The following CTNNBL1 variants were observed in gnomAD, a reference collection of about 807,000 sequenced individuals.
CTNNBL1 encodes the protein beta-catenin-like protein 1.
Under a neutral mutation model 72.7 loss-of-function variants are expected in CTNNBL1, and 31 were observed. The observed-to-expected ratio is 0.43, with a 90% CI of 0.32 to 0.58. The LOEUF is 0.58. CTNNBL1 is among the 20% of genes least tolerant of loss of function. The pLI is 0.08. For missense variants in CTNNBL1, 534 were observed against 725.1 expected (o/e 0.74, Z 3.03); for synonymous variants, 240 against 267.3 (o/e 0.90, Z 1.00).
chr20:37,854,635 G>C (rs2072424001), intron 13 of CTNNBL1, among the ~76,000 whole-genome samples: 1 of 150,716 alleles, frequency 6.6e-6, no homozygotes, highest in South Asian at 2.1e-4. Context: ...TGTGCCCCAG[G>C]CTGAGTGCAG....
rs560327151 is a variant in CTNNBL1, at chr20:37,807,100, G to A, written c.1213+4052G>A. Among the ~76,000 whole-genome samples the A allele has an allele frequency of 6.6e-5, 10 of 152,258 alleles. No individual in the cohort carries two copies. In the South Asian group the frequency reaches 1.5e-3, roughly 22 times the overall value. On this transcript the variant is annotated intron_variant, in intron 11 of 15. Coordinates refer to ENST00000361383, the MANE Select transcript of CTNNBL1 (RefSeq NM_030877.5). ...GGGCCTTCCCCTGACTCCCAAAGTCGCAGTGCAGCCTGAGGTGGTACAGAT... is the reference window on the plus strand; with the variant it reads ...GGGCCTTCCCCTGACTCCCAAAGTCACAGTGCAGCCTGAGGTGGTACAGAT...
intron 1 of CTNNBL1, among the ~76,000 whole-genome samples, chr20:37,711,065 T>C (rs767728789): frequency 2.0e-5 from 3 of 152,196 alleles, no homozygotes; most frequent in Admixed American, 6.5e-5. Context: ...CCTCATATGG[T>C]GTGCCCTACC....
intron 1 of CTNNBL1, among the ~76,000 whole-genome samples, chr20:37,731,238 CTTT>C (rs1303825925): frequency 6.9e-6 from 1 of 144,492 alleles, no homozygotes; most frequent in African/African-American, 2.5e-5. Flanking sequence ...TTAACTGAAA[CTTT>C]TTTTTTTTTT....
intron 1 of CTNNBL1, among the ~76,000 whole-genome samples, chr20:37,706,222 G>C (rs2122549963): frequency 6.6e-6 from 1 of 152,270 alleles, no homozygotes; most frequent in South Asian, 2.1e-4. Flanking sequence ...GGTTGGGGTG[G>C]CTGTGGCAAT....
intron 5 of CTNNBL1, among the ~76,000 whole-genome samples, chr20:37,762,582 C>A (rs1437490056): frequency 6.6e-6 from 1 of 152,124 alleles, no homozygotes; most frequent in Non-Finnish European, 1.5e-5. Context: ...GTTGCCCTGG[C>A]TGATGCTTTA....
intron 10 of CTNNBL1, among the ~76,000 whole-genome samples, chr20:37,790,722 G>A (rs534935162): frequency 6.6e-6 from 1 of 152,320 alleles, no homozygotes; most frequent in East Asian, 1.9e-4. Flanking sequence ...AGTGGTGTAA[G>A]GCCTGTCTGA....
At position 37,829,616 on chromosome 20, in the gene CTNNBL1, G is replaced by A. The variant is rs147491697; in HGVS notation, c.1214-10486G>A. Among the ~76,000 whole-genome samples the A allele has an allele frequency of 4.6e-5, 7 of 151,932 alleles. No homozygotes were observed. In the East Asian group the frequency reaches 1.2e-3, roughly 25 times the overall value. On this transcript the variant is annotated intron_variant, in intron 11 of 15. Coordinates refer to ENST00000361383, the MANE Select transcript of CTNNBL1 (RefSeq NM_030877.5). Reference sequence around the variant, plus strand: ...TTGATCTCTTTCCAGTTCTTTGTCCGTATCCTGTGCTTTCTAATTTAATTC... The same window carrying A: ...TTGATCTCTTTCCAGTTCTTTGTCCATATCCTGTGCTTTCTAATTTAATTC...
At chr20:37,803,147 G>C in intron 11 of CTNNBL1, 99 bp downstream of exon 11, 1 of 1,016,356 alleles carries the variant, frequency 9.8e-7, no homozygotes, top group South Asian at 1.6e-5. Context: ...GGGGGATAGA[G>C]GGGAAGAGTG....
At chr20:37,797,091 C>A (rs910881292) in intron 10 of CTNNBL1, among the ~76,000 whole-genome samples, 1 of 152,052 alleles carries the variant, frequency 6.6e-6, no homozygotes, top group Non-Finnish European at 1.5e-5. Context: ...TGCCTGTGGT[C>A]GTATTTATTA....
chr20:37,804,973 C>T (rs150931897), intron 11 of CTNNBL1, among the ~76,000 whole-genome samples: 1 of 152,356 alleles, frequency 6.6e-6, no homozygotes, highest in Non-Finnish European at 1.5e-5. Flanking sequence ...GCTCTGCATC[C>T]TGAGCGGACC....
rs567842193 is a variant in CTNNBL1 at position 37,804,602 on chromosome 20, C to T, written c.1213+1554C>T. On this transcript the variant is annotated intron_variant, in intron 11 of 15. Transcript: ENST00000361383. The stretch of plus-strand genomic sequence containing the variant: ...ACCTTCAGATTCTCAGGAACAAGCC[C>T]TGGTTGTCAGGGTTGCCTGTGAGCC... 2.0e-5 allele frequency among the ~76,000 whole-genome samples: 3 copies of T among 152,204 alleles called. No homozygotes were observed. The East Asian group carries it at 5.8e-4, about 29-fold the overall frequency.
At chr20:37,768,760 GA>G (rs1485649224) in intron 7 of CTNNBL1, among the ~76,000 whole-genome samples, 3 of 152,036 alleles carry the variant, frequency 2.0e-5, no homozygotes, top group Non-Finnish European at 2.9e-5. Flanking sequence ...GCCTAATTTA[GA>G]AACTTTTTTT....
chr20:37,812,361 T>C (rs963767489), intron 11 of CTNNBL1, among the ~76,000 whole-genome samples: 1 of 152,204 alleles, frequency 6.6e-6, no homozygotes, highest in Non-Finnish European at 1.5e-5. Context: ...CTTTTGTGGT[T>C]GTGAAGCCCA....
chr20:37,758,033 C>CT (rs1198635677), intron 5 of CTNNBL1, among the ~76,000 whole-genome samples: 1 of 152,230 alleles, frequency 6.6e-6, no homozygotes, highest in Non-Finnish European at 1.5e-5. Context: ...CTCCTAGACT[C>CT]TATGTTTTCT....
intron 5 of CTNNBL1, among the ~76,000 whole-genome samples, chr20:37,760,553 CAG>C (rs2073407695): frequency 6.6e-6 from 1 of 152,244 alleles, no homozygotes; most frequent in Non-Finnish European, 1.5e-5. Context: ...TGATCCCCGT[CAG>C]GGGAGTGGTC....
At chr20:37,781,661 T>A (rs2073626699) in intron 10 of CTNNBL1, among the ~76,000 whole-genome samples, 1 of 152,170 alleles carries the variant, frequency 6.6e-6, no homozygotes. Context: ...AAAGTTTAAT[T>A]GGGATGGAAT....
At chr20:37,857,585 C>T (rs2072454064) in intron 13 of CTNNBL1, among the ~76,000 whole-genome samples, 1 of 152,006 alleles carries the variant, frequency 6.6e-6, no homozygotes, top group Non-Finnish European at 1.5e-5. Flanking sequence ...ACAGGCTGGC[C>T]CCCTGGGCAA....
chr20:37,797,106 T>C (rs1667730219), intron 10 of CTNNBL1, among the ~76,000 whole-genome samples: 1 of 152,194 alleles, frequency 6.6e-6, no homozygotes, highest in Admixed American at 6.5e-5. Context: ...TTATTATTTA[T>C]TTATTTTTTG....
At position 37,702,947 on chromosome 20, in the gene CTNNBL1, T is replaced by C. The variant is rs141674335; in HGVS notation, c.30+8795T>C. 3.3e-3 allele frequency among the ~76,000 whole-genome samples: 500 copies of C among 152,362 alleles called. 3 individuals carry two copies. Among genetic ancestry groups the C allele is most frequent in the Admixed American group, 8.0e-3 (122 of 15,310 alleles). On this transcript the variant is annotated intron_variant, in intron 1 of 15. Coordinates refer to ENST00000361383, the MANE Select transcript of CTNNBL1 (RefSeq NM_030877.5). Reference sequence around the variant, plus strand: ...GAAAGCTCTTGTTCTACTATCTTGTTAGCTTGTTGGCCTACATCTCTGTGC... The same window carrying C: ...GAAAGCTCTTGTTCTACTATCTTGTCAGCTTGTTGGCCTACATCTCTGTGC...
Sources: gnomAD v4.1 joint callset for allele counts (sites outside exome capture counted in the v4.1 genomes callset) on GRCh38, gnomAD v4.1.1 for gene constraint, MANE v1.5 for transcripts, NCBI Gene and HGNC (gene_info 2026-07-23, HGNC 2026-07-21) for gene names.